The following WSB2 variants were observed in gnomAD, a reference collection of about 807,000 sequenced individuals.
WSB2 encodes WD repeat and SOCS box containing 2, also known as WD repeat and SOCS box-containing protein 2.
A neutral mutation model predicts 48.8 loss-of-function variants in WSB2; 12 were observed. That is an observed-to-expected ratio of 0.25 (90% CI 0.16 to 0.40). The LOEUF is 0.40. WSB2 is among the 10% of genes least tolerant of loss of function. The pLI is 1.00. For synonymous variants in WSB2, 191 were observed against 203.1 expected, an observed-to-expected ratio of 0.94 and a Z score of 0.51; for missense variants, 317 against 506.2, an observed-to-expected ratio of 0.63 and a Z score of 3.59.
rs758281992 is a variant in WSB2 at position 118,043,293 on chromosome 12, G to A, written c.267C>T (p.Asp89=). The part of the protein sequence containing the change: ...GRGSPKEKTL[D]CGQIVWGLAF... ...CCAGCCCCCAGACAATCTGACCACA[G>A]TCCAGCGTCTTCTCTTTTGGGCTGC... Residue 89 remains aspartate (D), a synonymous_variant, in exon 3 of 9, where the codon GAC becomes GAT. Transcript: ENST00000315436. 2 of 1,613,810 alleles carry A rather than the reference G, an allele frequency of 1.2e-6. No individual in the cohort carries two copies. Among genetic ancestry groups the A allele is most frequent in the Non-Finnish European group, 1.7e-6 (2 of 1,179,838 alleles).
intron 2 of WSB2, among the ~76,000 whole-genome samples, chr12:118,044,272 T>G (rs1029041183): frequency 1.3e-5 from 2 of 152,134 alleles, no homozygotes; most frequent in African/African-American, 4.8e-5. Context: ...TCTCTCAGGT[T>G]TTGATGAGTG....
chr12:118,051,453 T>C (rs2031851405), intron 2 of WSB2, among the ~76,000 whole-genome samples: 1 of 152,168 alleles, frequency 6.6e-6, no homozygotes, highest in African/African-American at 2.4e-5. Context: ...GAAATACTAG[T>C]ATATGCTAGA....
At chr12:118,054,825 C>T (rs11068792) in intron 1 of WSB2, among the ~76,000 whole-genome samples, 12,775 of 150,892 alleles carry the variant, frequency 0.085, 1,065 homozygotes, top group East Asian at 0.42. Flanking sequence ...TAAATCATAT[C>T]AAGCCTTTGT....
At chr12:118,055,911 GT>G (rs11308776) in intron 1 of WSB2, among the ~76,000 whole-genome samples, 40,934 of 144,900 alleles carry the variant, frequency 0.28, 5,979 homozygotes, top group African/African-American at 0.39. Context: ...CACCACGTCT[GT>G]TTTTTTTTTT....
At chr12:118,042,697 A>G (rs2031661909) in intron 4 of WSB2, 144 bp downstream of exon 4, 1 of 1,381,502 alleles carries the variant, frequency 7.2e-7, no homozygotes. Context: ...CGATTAGGAA[A>G]AAACTGTCTA....
At chr12:118,040,558 C>G (rs2031614888) in intron 4 of WSB2, among the ~76,000 whole-genome samples, 1 of 151,128 alleles carries the variant, frequency 6.6e-6, no homozygotes, top group African/African-American at 2.4e-5. Flanking sequence ...GTCAGGAGTG[C>G]AAGACCAGCC....
intron 4 of WSB2, among the ~76,000 whole-genome samples, chr12:118,038,711 T>TG (rs980592244): frequency 3.3e-5 from 5 of 152,154 alleles, no homozygotes; most frequent in Non-Finnish European, 7.4e-5. Context: ...GTCTTGCTCT[T>TG]GCTCTGTCTC....
chr12:118,055,943 C>T (rs990907791), intron 1 of WSB2, among the ~76,000 whole-genome samples: 1 of 151,604 alleles, frequency 6.6e-6, no homozygotes, highest in African/African-American at 2.4e-5. Context: ...CAAACCAAAT[C>T]CATTAGCAAG....
At chr12:118,048,916 C>A (rs1325365003) in intron 2 of WSB2, among the ~76,000 whole-genome samples, 2 of 152,184 alleles carry the variant, frequency 1.3e-5, no homozygotes, top group Admixed American at 6.6e-5. Flanking sequence ...CCCTGAGCCA[C>A]CCACAGTGCC....
In WSB2 at chr12:118,043,462, G is replaced by C. The variant is rs1010806029; in HGVS notation, c.183-85C>G. 2.0e-6 allele frequency: 3 copies of C among 1,500,272 alleles called. No individual in the cohort carries two copies. The African/African-American group carries it at 4.2e-5, about 21-fold the overall frequency. 92.9% of individuals were successfully genotyped at this position (1,500,272 alleles called of 1,614,324 possible). On this transcript the variant is annotated intron_variant, in intron 2 of 8. Coordinates refer to ENST00000315436, the MANE Select transcript of WSB2 (RefSeq NM_018639.5). ...ATCCTGGGACACGTAAGACTTTTGG[G>C]GAGTGGAGGGAAGGGTCTGTCACCC...
At chr12:118,050,574 G>C (rs946620876) in intron 2 of WSB2, among the ~76,000 whole-genome samples, 6 of 152,076 alleles carry the variant, frequency 3.9e-5, no homozygotes, top group Non-Finnish European at 2.9e-5. Context: ...AGCAGGTTGA[G>C]GCTGCAGTGA....
Position 118,036,424 on chromosome 12 carries a change from G to A in WSB2, c.747C>T (p.Pro249=), listed in dbSNP as rs147184268. Residue 249 remains proline (P), a synonymous_variant, in exon 6 of 9, where the codon CCC becomes CCT. Coordinates refer to ENST00000315436, the MANE Select transcript of WSB2 (RefSeq NM_018639.5). The part of the protein sequence containing the change: ...QSSVVSCDFS[P]DSALLVTASY... ...AAGCCGTGACAAGCAGGGCAGAGTC[G>A]GGGGAGAAGTCACAAGAGACAACAC... 4.0e-4 allele frequency: 649 copies of A among 1,614,162 alleles called. No individual in the cohort carries two copies. Among genetic ancestry groups the A allele is most frequent in the Middle Eastern group, 1.6e-3 (10 of 6,062 alleles).
intron 2 of WSB2, among the ~76,000 whole-genome samples, chr12:118,044,792 C>T (rs1447249824): frequency 6.6e-6 from 1 of 152,124 alleles, no homozygotes; most frequent in Non-Finnish European, 1.5e-5. Context: ...TTACTGTTTG[C>T]GGTACACAGC....
intron 2 of WSB2, among the ~76,000 whole-genome samples, chr12:118,051,946 C>T (rs1462698745): frequency 6.6e-6 from 1 of 152,072 alleles, no homozygotes; most frequent in African/African-American, 2.4e-5. Flanking sequence ...TGCACTCCAG[C>T]CTAGGAGACA....
chr12:118,058,867 T>C (rs1458024955), intron 1 of WSB2, among the ~76,000 whole-genome samples: 1 of 152,040 alleles, frequency 6.6e-6, no homozygotes, highest in African/African-American at 2.4e-5. Context: ...TGGTTAATTT[T>C]GTATTTTTAG....
rs375025061 is a variant in WSB2 at position 118,036,240 on chromosome 12, C to T, written c.833+98G>A. On this transcript the variant is annotated intron_variant, in intron 6 of 8. Coordinates refer to ENST00000315436, the MANE Select transcript of WSB2 (RefSeq NM_018639.5). ...TGTGCCTTTTTATCCAGCTTGTCCC[C>T]TCCCATGTCCCAGATTCTAAAAGAG... is the stretch of plus-strand genomic sequence containing the variant. The T allele has an allele frequency of 5.7e-6, 8 of 1,396,856 alleles. No homozygotes were observed. In the African/African-American group the frequency reaches 5.7e-5, roughly 10 times the overall value. 86.5% of individuals were successfully genotyped at this position (1,396,856 alleles called of 1,614,324 possible). A position where few individuals can be genotyped will look rare whatever the true frequency, so the allele number is the denominator to read the frequency against.
At chr12:118,037,659 ACT>A (rs893687575) in intron 5 of WSB2, among the ~76,000 whole-genome samples, 10 of 148,660 alleles carry the variant, frequency 6.7e-5, no homozygotes, top group Non-Finnish European at 1.2e-4. Context: ...CAACAGCGAA[ACT>A]CTGTCTAAAA....
At position 118,042,821 on chromosome 12, in the gene WSB2, A is replaced by C. The variant is rs1005264896; in HGVS notation, c.559+20T>G. ...TACAGTATTTTTGGAGTTGCCGAGT[A>C]GTTCCTTCACTTCCCATACCGTGTT... is the stretch of plus-strand genomic sequence containing the variant. On this transcript the variant is annotated intron_variant, in intron 4 of 8. Transcript: ENST00000315436. 34 of 1,609,868 alleles carry C rather than the reference A, an allele frequency of 2.1e-5. No homozygotes were observed. In the East Asian group the frequency reaches 7.4e-4, roughly 35 times the overall value.
chr12:118,057,663 T>C (rs1381087039), intron 1 of WSB2, among the ~76,000 whole-genome samples: 8 of 152,282 alleles, frequency 5.3e-5, no homozygotes, highest in Middle Eastern at 6.8e-3. Context: ...AATGGCTCAG[T>C]CAAGCTCATT....
Sources: gnomAD v4.1 joint callset for allele counts (sites outside exome capture counted in the v4.1 genomes callset) on GRCh38, gnomAD v4.1.1 for gene constraint, MANE v1.5 for transcripts, NCBI Gene and HGNC (gene_info 2026-07-23, HGNC 2026-07-21) for gene names.